GALNT11: variants seen among roughly 807,000 people sequenced by gnomAD.
GALNT11 encodes polypeptide N-acetylgalactosaminyltransferase 11, also known as UDP-GalNAc:polypeptide N-acetylgalactosaminyltransferase 11.
A neutral mutation model predicts 72.7 loss-of-function variants in GALNT11; 47 were observed. The ratio of observed to expected loss-of-function variants is 0.65; its 90% CI spans 0.51 to 0.82. The LOEUF (loss-of-function observed/expected upper bound fraction) is 0.82. Among genes scored for constraint, GALNT11 ranks in the 40% least tolerant of loss-of-function variants. The pLI, the probability that GALNT11 is intolerant of heterozygous loss-of-function variation, is 0.00. For missense variants in GALNT11, 677 were observed against 778.4 expected, an observed-to-expected ratio of 0.87 and a Z score of 1.55; for synonymous variants, 270 against 286.6, an observed-to-expected ratio of 0.94 and a Z score of 0.58.
intron 1 of GALNT11, among the ~76,000 whole-genome samples, chr7:152,068,188 C>T (rs2129006442): frequency 6.6e-6 from 1 of 152,264 alleles, no homozygotes; most frequent in East Asian, 1.9e-4. Context: ...GCCTCCCCAC[C>T]CTATGAGCCC....
chr7:152,111,156 A>T (rs2088143860), intron 7 of GALNT11, among the ~76,000 whole-genome samples: 1 of 150,378 alleles, frequency 6.6e-6, no homozygotes, highest in African/African-American at 2.4e-5. Context: ...ATTTATTGGT[A>T]TTTATTTTTT....
At chr7:152,103,040 T>G (rs1482683368) in intron 3 of GALNT11, 72 bp from the exon 4 acceptor site, 3 of 1,390,496 alleles carry the variant, frequency 2.2e-6, no homozygotes, top group Non-Finnish European at 3.0e-6. Flanking sequence ...ACAGTAAATC[T>G]GTAGGTGAAT....
chr7:152,043,710 G>A (rs1028026017), intron 1 of GALNT11, among the ~76,000 whole-genome samples: 1 of 152,096 alleles, frequency 6.6e-6, no homozygotes. Flanking sequence ...GATCCGGAGG[G>A]TCAGGCTACT....
intron 1 of GALNT11, among the ~76,000 whole-genome samples, chr7:152,045,222 A>T (rs1294847793): frequency 6.6e-6 from 1 of 152,078 alleles, no homozygotes; most frequent in Non-Finnish European, 1.5e-5. Context: ...ATCAGTGTTC[A>T]TCAGGGATAC....
At chr7:152,093,237 A>G (rs1197411350) in intron 1 of GALNT11, among the ~76,000 whole-genome samples, 1 of 147,092 alleles carries the variant, frequency 6.8e-6, no homozygotes, top group Non-Finnish European at 1.5e-5. Flanking sequence ...TTAAAAAGGA[A>G]AAAAAAAAAA....
At chr7:152,109,129 C>T (rs1338991435) in intron 6 of GALNT11, among the ~76,000 whole-genome samples, 2 of 152,152 alleles carry the variant, frequency 1.3e-5, no homozygotes, top group African/African-American at 4.8e-5. Context: ...TTTATGTTAC[C>T]CTGTTCTTTC....
At chr7:152,085,780 C>G (rs1193851268) in intron 1 of GALNT11, among the ~76,000 whole-genome samples, 1 of 152,060 alleles carries the variant, frequency 6.6e-6, no homozygotes, top group Admixed American at 6.6e-5. Flanking sequence ...ATGGCATGAT[C>G]TTGACTCACT....
At chr7:152,034,869 C>A (rs1285269052) in intron 1 of GALNT11, among the ~76,000 whole-genome samples, 2 of 152,158 alleles carry the variant, frequency 1.3e-5, no homozygotes, top group Non-Finnish European at 2.9e-5. Context: ...CCTTGCCTGT[C>A]CTCCTAGACC....
At chr7:152,054,742 C>T (rs940949490) in intron 1 of GALNT11, among the ~76,000 whole-genome samples, 1 of 151,552 alleles carries the variant, frequency 6.6e-6, no homozygotes, top group African/African-American at 2.4e-5. Context: ...TGGTCTTGAA[C>T]TCCTGGGCTC....
intron 3 of GALNT11, 28 bp from the exon 4 acceptor site, chr7:152,103,084 C>G: frequency 1.9e-6 from 3 of 1,579,200 alleles, no homozygotes; most frequent in Non-Finnish European, 2.6e-6. Context: ...TTTAAAATGT[C>G]AGAATTTCCT....
intron 1 of GALNT11, among the ~76,000 whole-genome samples, chr7:152,076,529 A>G (rs1473871990): frequency 6.6e-6 from 1 of 152,186 alleles, no homozygotes; most frequent in African/African-American, 2.4e-5. Flanking sequence ...TAGCATACGT[A>G]TGTCAGAGTT....
At chr7:152,110,422 A>T in intron 6 of GALNT11, 106 bp from the exon 7 acceptor site, 2 of 817,976 alleles carry the variant, frequency 2.4e-6, no homozygotes. Flanking sequence ...TCATTAATTC[A>T]ATTTTTATTA....
intron 1 of GALNT11, among the ~76,000 whole-genome samples, chr7:152,038,578 G>T (rs929759825): frequency 3.3e-5 from 5 of 152,184 alleles, no homozygotes; most frequent in East Asian, 3.8e-4. Context: ...CAGTTTTGGG[G>T]CCAGTTTATG....
intron 2 of GALNT11, among the ~76,000 whole-genome samples, chr7:152,100,459 G>A (rs57228997): frequency 0.22 from 32,704 of 151,764 alleles, 4,468 homozygotes; most frequent in Middle Eastern, 0.34. Flanking sequence ...CCAGCTACTC[G>A]GGAGGCTGAG....
chr7:152,026,207 C>G (rs1360951821), intron 1 of GALNT11, among the ~76,000 whole-genome samples: 1 of 152,200 alleles, frequency 6.6e-6, no homozygotes, highest in Non-Finnish European at 1.5e-5. Flanking sequence ...AAATGAAGTC[C>G]AGATCAGTAT....
At chr7:152,117,076 G>T (rs549834924) in intron 8 of GALNT11, 81 bp from the exon 9 acceptor site, 65 of 1,199,732 alleles carry the variant, frequency 5.4e-5, no homozygotes, top group African/African-American at 1.7e-4. Flanking sequence ...GGACTTAATC[G>T]TGTAAAAAAT....
At chr7:152,120,091 G>A (rs2089284884) in intron 10 of GALNT11, 1 of 152,224 alleles carries the variant, frequency 6.6e-6, no homozygotes. Flanking sequence ...ATGCATAGTT[G>A]TGCTAATTCT....
At position 152,035,187 on chromosome 7, in the gene GALNT11, G is replaced by A. The variant is rs140369072; in HGVS notation, c.-39+9303G>A. On this transcript the variant is annotated intron_variant, in intron 1 of 11. Coordinates refer to ENST00000430044, the MANE Select transcript of GALNT11 (RefSeq NM_022087.4). The stretch of plus-strand genomic sequence containing the variant: ...GTCTGAGGAGGGATCCTAAAATTCC[G>A]GATAAGACAGTCCCCCACCCTGATG... 2.8e-3 allele frequency among the ~76,000 whole-genome samples: 419 copies of A among 152,224 alleles called. 2 individuals are homozygous for A. The highest frequency in any genetic ancestry group is 9.8e-3 in the African/African-American group (405 of 41,538).
intron 2 of GALNT11, among the ~76,000 whole-genome samples, chr7:152,100,290 G>A (rs1023138194): frequency 6.6e-6 from 1 of 151,854 alleles, no homozygotes; most frequent in Non-Finnish European, 1.5e-5. Flanking sequence ...GTTTGTGGCC[G>A]GGCGTGGTGT....
Sources: gnomAD v4.1 joint callset for allele counts (sites outside exome capture counted in the v4.1 genomes callset) on GRCh38, gnomAD v4.1.1 for gene constraint, MANE v1.5 for transcripts, NCBI Gene and HGNC (gene_info 2026-07-23, HGNC 2026-07-21) for gene names.